RIPOR2: variants seen among roughly 807,000 people sequenced by gnomAD.
RIPOR2 encodes the protein RHO family interacting cell polarization regulator 2.
In RIPOR2, 39 loss-of-function variants were observed where a neutral mutation model predicts 114.5. The ratio of observed to expected loss-of-function variants is 0.34; its 90% confidence interval spans 0.26 to 0.44. The LOEUF is 0.44. RIPOR2 is among the 20% of genes least tolerant of loss of function. The probability of loss-of-function intolerance (pLI) is 1.00; values close to 1 mark genes in which losing one functional copy is unlikely to be tolerated. For missense variants in RIPOR2, 1,007 were observed against 1,255.1 expected (o/e 0.80, Z 2.99); for synonymous variants, 445 against 484.4 (o/e 0.92, Z 1.07).
chr6:24,955,839 T>C (rs867246615), intron 1 of RIPOR2, among the ~76,000 whole-genome samples: 17 of 151,862 alleles, frequency 1.1e-4, no homozygotes, highest in South Asian at 6.2e-4. Context: ...ACCCTGTCTC[T>C]ACTAAAAATA....
At chr6:24,976,231 C>T (rs1370846275) in intron 1 of RIPOR2, among the ~76,000 whole-genome samples, 3 of 151,886 alleles carry the variant, frequency 2.0e-5, no homozygotes, top group Non-Finnish European at 4.4e-5. Flanking sequence ...CAAAAATTGC[C>T]GACAGCCAAA....
intron 12 of RIPOR2, chr6:24,847,613 G>C (rs937617156): frequency 3.2e-6 from 5 of 1,551,588 alleles, no homozygotes; most frequent in African/African-American, 1.4e-5. Context: ...CTGCGGTGCA[G>C]CTTGGCAAAG....
At chr6:24,936,186 C>G (rs1248424370), upstream of RIPOR2, 1 of 289,264 alleles carries the variant, frequency 3.5e-6, no homozygotes, top group East Asian at 6.3e-5. Context: ...AGTCTGAATG[C>G]AATGAATTCT....
At chr6:24,917,173 T>C (rs1028311854) in intron 1 of RIPOR2, among the ~76,000 whole-genome samples, 3 of 152,090 alleles carry the variant, frequency 2.0e-5, no homozygotes, top group African/African-American at 7.2e-5. Context: ...TACCATAATC[T>C]AGAATAGCCT....
intron 1 of RIPOR2, among the ~76,000 whole-genome samples, chr6:25,005,738 T>TATATACACACATAC (rs34572978): frequency 1.4e-5 from 1 of 70,700 alleles, no homozygotes; most frequent in African/African-American, 4.1e-5. Flanking sequence ...TATATATATA[T>TATATACACACATAC]ATACATTTAC....
At chr6:24,969,688 C>G (rs1773690928) in intron 1 of RIPOR2, among the ~76,000 whole-genome samples, 1 of 152,066 alleles carries the variant, frequency 6.6e-6, no homozygotes, top group East Asian at 1.9e-4. Flanking sequence ...GGCCCTGCTC[C>G]CACTCCAACT....
At position 24,872,914 on chromosome 6, in the gene RIPOR2, A is replaced by G; in HGVS notation, c.390T>C (p.Ala130=). 1 of 1,612,422 alleles carries G rather than the reference A, an allele frequency of 6.2e-7. No individual in the cohort carries two copies. The highest frequency in any genetic ancestry group is 1.1e-5 in the South Asian group (1 of 91,038). ...AGTTTCTTTTCATATCTTTTAACTG[A>G]GCTGTCAACTTGTCCAGCTCCGTCT... ...VHQTELDKLT[A]QLKDMKRNSR... is the part of the protein sequence containing the mutation. The change falls in exon 4 of 22, where the codon GCT becomes GCC. Residue 130 remains alanine (A), a synonymous_variant. Transcript: ENST00000643898.
Position 24,804,870 on chromosome 6 carries a change from T to C in RIPOR2, c.*1503A>G, listed in dbSNP as rs1780681357. 6.6e-6 allele frequency: 1 copy of C among 152,236 alleles called. No individual in the cohort carries two copies. Among genetic ancestry groups the C allele is most frequent in the African/African-American group, 2.4e-5 (1 of 41,466 alleles). The allele number at this position is 152,236 out of a possible 1,614,324, so 9.4% of individuals were successfully genotyped here. ...ACACTCTTTAGAGGAAGAAAAGATA[T>C]TTTAATAAGAGCTACTGAATGGTCT... On this transcript the variant is annotated 3_prime_UTR_variant, in exon 22 of 22. Coordinates refer to ENST00000643898, the MANE Select transcript of RIPOR2 (RefSeq NM_001286445.3).
chr6:24,872,828 C>G (rs1026601207), intron 4 of RIPOR2, 53 bp downstream of exon 4: 13 of 1,206,146 alleles, frequency 1.1e-5, no homozygotes, highest in African/African-American at 4.5e-5. Flanking sequence ...GTAAAAGAAG[C>G]TATTTGGCTA....
Position 24,839,848 on chromosome 6 carries a change from C to T in RIPOR2, c.1858-576G>A, listed in dbSNP as rs899092526. Reference sequence around the variant, plus strand: ...AGGCGCTAGCTATCTAAGGCATCTGCTCTAAAGGACTAACAAAACAAATCC... The same window carrying T: ...AGGCGCTAGCTATCTAAGGCATCTGTTCTAAAGGACTAACAAAACAAATCC... On this transcript the variant is annotated intron_variant, in intron 13 of 21. Coordinates refer to ENST00000643898, the MANE Select transcript of RIPOR2 (RefSeq NM_001286445.3). The T allele has an allele frequency of 1.6e-5, 19 of 1,219,514 alleles. No individual in the cohort carries two copies. In the African/African-American group the frequency reaches 3.0e-4, roughly 20 times the overall value. The allele number at this position is 1,219,514 out of a possible 1,614,324, so 75.5% of individuals were successfully genotyped here. A position where few individuals can be genotyped will look rare whatever the true frequency, so the allele number is the denominator to read the frequency against.
chr6:24,860,298 T>C (rs946153075), intron 8 of RIPOR2, among the ~76,000 whole-genome samples: 5 of 120,908 alleles, frequency 4.1e-5, no homozygotes, highest in Admixed American at 8.5e-5. Flanking sequence ...TTCTGTACAA[T>C]GGTTTCTACA....
rs1764690143 is a variant in RIPOR2, at chr6:24,867,190, G to A, written c.502-1740C>T. ...GAAAAGAATCATCTTTAATCTTCAGGGTCAGTGGATTTATCTTTGATTAAG... is the reference window on the plus strand; with the variant it reads ...GAAAAGAATCATCTTTAATCTTCAGAGTCAGTGGATTTATCTTTGATTAAG... On this transcript the variant is annotated intron_variant, in intron 6 of 21. Transcript: ENST00000643898. Among the ~76,000 whole-genome samples, 4 of 152,166 alleles carry A rather than the reference G, an allele frequency of 2.6e-5. No homozygotes were observed. The South Asian group carries it at 8.3e-4, about 32-fold the overall frequency.
At position 25,008,202 on chromosome 6, in the gene RIPOR2, AT is replaced by A. The variant is rs11368960; in HGVS notation, c.76+33648del. 2.3e-4 allele frequency among the ~76,000 whole-genome samples: 34 copies of A among 150,300 alleles called. No individual in the cohort carries two copies. The East Asian group carries it at 4.3e-3, about 19-fold the overall frequency. On this transcript the variant is annotated intron_variant, in intron 1 of 13. Transcript: ENST00000510784. The stretch of plus-strand genomic sequence containing the variant: ...CTTTGCAGATATAATTAAGTTAAGC[AT>A]TTTTTTTTTCAACCATGTTGGTCAA...
intron 1 of RIPOR2, among the ~76,000 whole-genome samples, chr6:24,969,416 C>G (rs917698952): frequency 1.3e-5 from 2 of 152,168 alleles, no homozygotes; most frequent in African/African-American, 4.8e-5. Context: ...TTTTAGGGAG[C>G]TGGGATCTAA....
intron 1 of RIPOR2, among the ~76,000 whole-genome samples, chr6:24,996,826 T>C (rs909306823): frequency 6.6e-6 from 1 of 152,218 alleles, no homozygotes; most frequent in Admixed American, 6.5e-5. Flanking sequence ...AACTTCTCCA[T>C]TGCACTAGGA....
intron 1 of RIPOR2, among the ~76,000 whole-genome samples, chr6:24,897,459 G>A (rs541363406): frequency 1.3e-5 from 2 of 152,142 alleles, no homozygotes; most frequent in Admixed American, 6.5e-5. Context: ...CTCCCCCTCC[G>A]CCATCCTCCA....
chr6:24,962,990 C>T (rs994916260), intron 1 of RIPOR2, among the ~76,000 whole-genome samples: 2 of 152,160 alleles, frequency 1.3e-5, no homozygotes, highest in Non-Finnish European at 2.9e-5. Flanking sequence ...GTGTCTATCC[C>T]TTTCTTTGAT....
intron 1 of RIPOR2, among the ~76,000 whole-genome samples, chr6:25,006,418 T>C (rs1402305752): frequency 1.3e-5 from 2 of 152,246 alleles, no homozygotes; most frequent in Non-Finnish European, 2.9e-5. Flanking sequence ...CTACTTTTTC[T>C]TTGAGGAATA....
In RIPOR2 at chr6:24,855,762, T is replaced by C. The variant is rs888070260; in HGVS notation, c.716-3144A>G. Among the ~76,000 whole-genome samples the C allele has an allele frequency of 3.3e-5, 5 of 152,358 alleles. No homozygotes were observed. In the South Asian group the frequency reaches 8.3e-4, roughly 25 times the overall value. Reference sequence around the variant, plus strand: ...TACGCTGGAGACTCTTGGCCAGGCATGGTGGCTCACACCTGTGATCCTGTG... The same window carrying C: ...TACGCTGGAGACTCTTGGCCAGGCACGGTGGCTCACACCTGTGATCCTGTG... On this transcript the variant is annotated intron_variant, in intron 8 of 21. Coordinates refer to ENST00000643898, the MANE Select transcript of RIPOR2 (RefSeq NM_001286445.3).
Sources: allele counts gnomAD v4.1 joint callset (sites outside exome capture counted in the v4.1 genomes callset), GRCh38; gene constraint gnomAD v4.1.1; transcripts MANE v1.5; gene names NCBI Gene and HGNC (gene_info 2026-07-23, HGNC 2026-07-21).